The following COL19A1 variants were observed in gnomAD, a reference collection of about 807,000 sequenced individuals.
COL19A1 encodes collagen alpha-1(XIX) chain.
A neutral mutation model predicts 190.2 loss-of-function variants in COL19A1; 159 were observed. The observed-to-expected ratio is 0.84, with a 90% CI of 0.73 to 0.95. The LOEUF (loss-of-function observed/expected upper bound fraction) is 0.95. Ranked by LOEUF, COL19A1 falls within the 40% of genes least tolerant of loss-of-function variation. The pLI, the probability that COL19A1 is intolerant of heterozygous loss-of-function variation, is 0.00. For missense variants in COL19A1, 1,418 were observed against 1,431.9 expected (o/e 0.99, Z 0.16); for synonymous variants, 509 against 458.9 (o/e 1.11, Z -1.39).
At chr6:70,177,383 C>A (rs1416595961) in intron 42 of COL19A1, among the ~76,000 whole-genome samples, 1 of 152,078 alleles carries the variant, frequency 6.6e-6, no homozygotes, top group African/African-American at 2.4e-5. Context: ...CCACCGAGAT[C>A]TACTGACACC....
rs7771259 is a variant in COL19A1 at position 70,026,734 on chromosome 6, A to T, written c.1080+3054A>T. ...TAGTTCATAAACTATTTTCACAAGG[A>T]ATTTGAAATTTGACCCTCACCCAGC... On this transcript the variant is annotated intron_variant, in intron 12 of 50. Coordinates refer to ENST00000620364, the MANE Select transcript of COL19A1 (RefSeq NM_001858.6). Among the ~76,000 whole-genome samples, 1,314 of 152,270 alleles carry T rather than the reference A, an allele frequency of 8.6e-3. 16 individuals are homozygous for T. Among genetic ancestry groups the T allele is most frequent in the African/African-American group, 0.029 (1,225 of 41,552 alleles).
intron 42 of COL19A1, among the ~76,000 whole-genome samples, chr6:70,177,378 G>A (rs768301285): frequency 3.3e-5 from 5 of 151,686 alleles, no homozygotes; most frequent in Non-Finnish European, 5.9e-5. Context: ...GTCACCCACC[G>A]AGATCTACTG....
chr6:69,886,991 GAT>G (rs1221046605), intron 2 of COL19A1, among the ~76,000 whole-genome samples: 4 of 152,022 alleles, frequency 2.6e-5, no homozygotes, highest in Non-Finnish European at 5.9e-5. Flanking sequence ...GTATGCTAAA[GAT>G]ATGAAATGGC....
intron 9 of COL19A1, among the ~76,000 whole-genome samples, chr6:69,947,246 A>C (rs984224199): frequency 6.6e-6 from 1 of 151,892 alleles, no homozygotes; most frequent in Non-Finnish European, 1.5e-5. Context: ...ACTATAATTA[A>C]AAATATAAGA....
intron 14 of COL19A1, among the ~76,000 whole-genome samples, chr6:70,063,646 G>A (rs988645060): frequency 9.2e-5 from 14 of 151,548 alleles, no homozygotes; most frequent in Non-Finnish European, 1.9e-4. Context: ...CAGAACTGAA[G>A]GAGATAGAGA....
chr6:70,064,681 G>A (rs1419128149), intron 14 of COL19A1, among the ~76,000 whole-genome samples: 13 of 152,152 alleles, frequency 8.5e-5, no homozygotes, highest in Non-Finnish European at 1.8e-4. Context: ...GTCCCTGTTT[G>A]CAGATGACAT....
chr6:70,160,607 C>T (rs1308182512), intron 34 of COL19A1, among the ~76,000 whole-genome samples: 1 of 152,124 alleles, frequency 6.6e-6, no homozygotes, highest in Non-Finnish European at 1.5e-5. Flanking sequence ...TCATGTTTTG[C>T]CACAGAAATA....
At chr6:69,916,943 G>A (rs1005808677) in intron 4 of COL19A1, among the ~76,000 whole-genome samples, 2 of 152,160 alleles carry the variant, frequency 1.3e-5, no homozygotes, top group Admixed American at 6.5e-5. Context: ...CAGAGTAAAG[G>A]TGAGGTAGTT....
intron 11 of COL19A1, among the ~76,000 whole-genome samples, chr6:69,971,608 A>G (rs56059453): frequency 0.015 from 2,340 of 152,332 alleles, 73 homozygotes; most frequent in African/African-American, 0.053. Flanking sequence ...GGACTAGTTC[A>G]CTAATACAGA....
rs184885260 is a variant in COL19A1 at position 70,043,223 on chromosome 6, G to A, written c.1170+7284G>A. Among the ~76,000 whole-genome samples, 72 of 146,390 alleles carry A rather than the reference G, an allele frequency of 4.9e-4. 2 individuals are homozygous for A. In the East Asian group the frequency reaches 0.012, roughly 25 times the overall value. ...TTTTTTTTTTTTGAGAAGGAGTCTC[G>A]CTCTGTCGCCCAGACTGGAGTGAAG... On this transcript the variant is annotated intron_variant, in intron 14 of 50. Coordinates refer to ENST00000620364, the MANE Select transcript of COL19A1 (RefSeq NM_001858.6).
chr6:70,206,627 T>C (rs1767869227), intron 49 of COL19A1, among the ~76,000 whole-genome samples: 1 of 108,168 alleles, frequency 9.2e-6, no homozygotes, highest in Non-Finnish European at 1.9e-5. Flanking sequence ...AGAGCAGGAC[T>C]CTGTCTCAAA....
chr6:70,054,424 C>T (rs536816328), intron 14 of COL19A1, among the ~76,000 whole-genome samples: 8 of 152,250 alleles, frequency 5.3e-5, no homozygotes, highest in African/African-American at 1.9e-4. Context: ...ATTAACAAAT[C>T]ACTGCAATTT....
chr6:69,986,421 A>G (rs910708197), intron 11 of COL19A1, among the ~76,000 whole-genome samples: 1 of 152,078 alleles, frequency 6.6e-6, no homozygotes, highest in Non-Finnish European at 1.5e-5. Flanking sequence ...CGTGATCTGA[A>G]AAACCACCTA....
At position 70,020,751 on chromosome 6, in the gene COL19A1, A is replaced by G. The variant is rs546156458; in HGVS notation, c.1027-2876A>G. Among the ~76,000 whole-genome samples the G allele has an allele frequency of 2.6e-5, 4 of 152,254 alleles. No homozygotes were observed. The East Asian group carries it at 7.7e-4, about 29-fold the overall frequency. ...GCAGAGAGCAAGGATGATACTAACCATCCTACAATGTACAGGACTGCCCCC... is the reference window on the plus strand; with the variant it reads ...GCAGAGAGCAAGGATGATACTAACCGTCCTACAATGTACAGGACTGCCCCC... On this transcript the variant is annotated intron_variant, in intron 11 of 50. Transcript: ENST00000620364.
chr6:70,132,109 A>G (rs1010520217), intron 18 of COL19A1, among the ~76,000 whole-genome samples: 6 of 152,180 alleles, frequency 3.9e-5, no homozygotes, highest in Non-Finnish European at 7.3e-5. Flanking sequence ...AATGCATAAA[A>G]TAAACAAAAA....
At chr6:70,164,220 G>C (rs1787990498) in intron 36 of COL19A1, among the ~76,000 whole-genome samples, 1 of 152,160 alleles carries the variant, frequency 6.6e-6, no homozygotes, top group Non-Finnish European at 1.5e-5. Flanking sequence ...AGGAGGACCA[G>C]CATTAGATGA....
chr6:70,131,565 C>G (rs56149206), intron 18 of COL19A1, among the ~76,000 whole-genome samples: 2,666 of 152,240 alleles, frequency 0.018, 71 homozygotes, highest in African/African-American at 0.06. Flanking sequence ...ATTGCTAGTA[C>G]ATTAACATTA....
At position 69,898,953 on chromosome 6, in the gene COL19A1, TC is replaced by T. The variant is rs1356750058; in HGVS notation, c.98del (p.Ser33TyrfsTer5). The T allele has an allele frequency of 1.1e-5, 17 of 1,606,462 alleles. No individual in the cohort carries two copies. Among genetic ancestry groups the T allele is most frequent in the Non-Finnish European group, 1.4e-5 (16 of 1,174,244 alleles). On this transcript the variant is annotated frameshift_variant, in exon 3 of 51. Transcript: ENST00000620364. LOFTEE classifies it high-confidence loss of function. ...CTTTTTTTCTTTTTAAATAGAAGAG[TC>T]ATGCCCTATCCTGAGAATAGAGGGA... The part of the protein sequence containing the change: ...SVTVRDKTEE[S>X]CPILRIEGHQ...
At chr6:70,062,525 C>T (rs1027987490) in intron 14 of COL19A1, among the ~76,000 whole-genome samples, 3 of 152,250 alleles carry the variant, frequency 2.0e-5, no homozygotes, top group African/African-American at 7.2e-5. Flanking sequence ...ACTGCAAAAA[C>T]ATGCCAAATT....
Sources: gnomAD v4.1 joint callset for allele counts (sites outside exome capture counted in the v4.1 genomes callset) on GRCh38, gnomAD v4.1.1 for gene constraint, MANE v1.5 for transcripts, NCBI Gene and HGNC (gene_info 2026-07-23, HGNC 2026-07-21) for gene names.